Variants in GABRG3 observed in about 807,000 individuals in gnomAD.
The protein encoded by GABRG3 is gamma-aminobutyric acid type A receptor subunit gamma3, also known as gamma-aminobutyric acid receptor subunit gamma-3.
Under a neutral mutation model 48.8 loss-of-function variants are expected in GABRG3, and 25 were observed. The observed-to-expected ratio is 0.51, with a 90% confidence interval of 0.37 to 0.72. GABRG3 has a LOEUF of 0.72. Among genes scored for constraint, GABRG3 ranks in the 30% least tolerant of loss-of-function variants. The probability of loss-of-function intolerance (pLI) is 0.00; values close to 1 mark genes in which losing one functional copy is unlikely to be tolerated. For missense variants in GABRG3, 394 were observed against 577.9 expected (o/e 0.68, Z 3.26); for synonymous variants, 227 against 217.6 (o/e 1.04, Z -0.38).
chr15:27,219,333 G>T (rs568479399), intron 3 of GABRG3, among the ~76,000 whole-genome samples: 1 of 152,188 alleles, frequency 6.6e-6, no homozygotes, highest in African/African-American at 2.4e-5. Flanking sequence ...TCCAAGGTAG[G>T]CAGAGTCCAA....
At chr15:27,474,103 A>G (rs1207571865) in intron 5 of GABRG3, among the ~76,000 whole-genome samples, 2 of 152,050 alleles carry the variant, frequency 1.3e-5, no homozygotes, top group Non-Finnish European at 2.9e-5. Flanking sequence ...CACCCACCAC[A>G]TGAGGCTAGA....
chr15:26,993,738 A>AG (rs1281247361), intron 2 of GABRG3, among the ~76,000 whole-genome samples: 2 of 152,050 alleles, frequency 1.3e-5, no homozygotes. Context: ...GTGCAGATTA[A>AG]GATGAGTGTT....
At chr15:27,003,152 GTTT>G (rs201623046) in intron 2 of GABRG3, among the ~76,000 whole-genome samples, 1,525 of 147,386 alleles carry the variant, frequency 0.01, 28 homozygotes, top group African/African-American at 0.035. Flanking sequence ...TCATGAAATA[GTTT>G]TTATTTTTTT....
intron 3 of GABRG3, among the ~76,000 whole-genome samples, chr15:27,096,018 C>T (rs1016347525): frequency 1.3e-5 from 2 of 152,182 alleles, no homozygotes; most frequent in African/African-American, 2.4e-5. Context: ...ATATGGTCAG[C>T]CTGGCAGGCT....
At chr15:27,532,438 A>C (rs1322788851) in intron 9 of GABRG3, among the ~76,000 whole-genome samples, 162 bp from the exon 10 acceptor site, 2 of 151,538 alleles carry the variant, frequency 1.3e-5, no homozygotes, top group Non-Finnish European at 2.9e-5. Context: ...AAAAAAAAAA[A>C]AAAAAAAAAG....
Position 27,352,970 on chromosome 15 carries a change from G to A in GABRG3, c.574+24082G>A, listed in dbSNP as rs1894677671. On this transcript the variant is annotated intron_variant, in intron 5 of 9. Coordinates refer to ENST00000615808, the MANE Select transcript of GABRG3 (RefSeq NM_033223.5). This position sits in a 1 kb window ranked among gnomAD's most constrained non-coding sequence, Gnocchi z 4.0. ...TGGATCGTTTGATGGTTGGGTGTTA[G>A]GTATTTGAAGTGTGACGTCTACAAA... 6.6e-6 allele frequency among the ~76,000 whole-genome samples: 1 copy of A among 152,170 alleles called. No homozygotes were observed. The highest frequency in any genetic ancestry group is 6.5e-5 in the Admixed American group (1 of 15,288).
rs1478112212 is a variant in GABRG3, at chr15:27,532,758, A to C, written c.1281A>C (p.Gly427=). 2 of 1,613,872 alleles carry C rather than the reference A, an allele frequency of 1.2e-6. No individual in the cohort carries two copies. The highest frequency in any genetic ancestry group is 2.7e-5 in the African/African-American group (2 of 74,924). Residue 427 remains glycine (G), a synonymous_variant, in exon 10 of 10, where the codon GGA becomes GGC. Transcript: ENST00000615808. ...FFCCYEECKS[G]SWRKGRIHID... ...GCTGCTATGAAGAATGTAAATCAGG[A>C]TCCTGGAGGAAAGGGCGTATTCACA...
At chr15:27,458,754 G>C (rs1394046599) in intron 5 of GABRG3, among the ~76,000 whole-genome samples, 1 of 152,146 alleles carries the variant, frequency 6.6e-6, no homozygotes, top group African/African-American at 2.4e-5. Context: ...TTTCTAATGT[G>C]AGCTAGCTAG....
At chr15:27,177,645 G>C (rs779859184) in intron 3 of GABRG3, among the ~76,000 whole-genome samples, 15 of 152,186 alleles carry the variant, frequency 9.9e-5, no homozygotes, top group Non-Finnish European at 2.2e-4. Context: ...AAGCAAGATG[G>C]AGTTAACTGA....
chr15:27,273,203 A>G (rs768587997), intron 3 of GABRG3, among the ~76,000 whole-genome samples: 4 of 152,212 alleles, frequency 2.6e-5, no homozygotes, highest in African/African-American at 7.2e-5. Flanking sequence ...AAGATGCTGC[A>G]TTTTTTGGAG....
At chr15:27,014,732 G>T (rs1196645727) in intron 2 of GABRG3, among the ~76,000 whole-genome samples, 1 of 152,142 alleles carries the variant, frequency 6.6e-6, no homozygotes, top group East Asian at 1.9e-4. Flanking sequence ...TTGAGGAGAA[G>T]GTGTATTTTG....
intron 2 of GABRG3, among the ~76,000 whole-genome samples, chr15:27,014,632 A>G (rs1016912327): frequency 6.6e-6 from 1 of 151,892 alleles, no homozygotes; most frequent in African/African-American, 2.4e-5. Flanking sequence ...GTTTCATTCT[A>G]TTGTACTTTG....
At chr15:27,208,049 C>T (rs1888917496) in intron 3 of GABRG3, 2 of 157,694 alleles carry the variant, frequency 1.3e-5, no homozygotes, top group Admixed American at 6.2e-5. Flanking sequence ...CAGGGCCTCT[C>T]CCACTGAACC....
intron 3 of GABRG3, among the ~76,000 whole-genome samples, chr15:27,204,816 G>C (rs2140430905): frequency 6.6e-6 from 1 of 151,970 alleles, no homozygotes; most frequent in Admixed American, 6.6e-5. Flanking sequence ...GAGTGAGATT[G>C]CATTCTTTAT....
chr15:27,280,712 C>A (rs1339844169), intron 3 of GABRG3, among the ~76,000 whole-genome samples: 1 of 152,032 alleles, frequency 6.6e-6, no homozygotes, highest in Non-Finnish European at 1.5e-5. Flanking sequence ...GGTTTCAATT[C>A]TTTTAAATTT....
At chr15:27,398,666 G>C (rs911625009) in intron 5 of GABRG3, among the ~76,000 whole-genome samples, 1 of 147,222 alleles carries the variant, frequency 6.8e-6, no homozygotes, top group South Asian at 2.2e-4. Context: ...ACAAGCGCGC[G>C]CACACACACA....
At chr15:27,495,735 C>T (rs1158052165) in intron 6 of GABRG3, among the ~76,000 whole-genome samples, 3 of 151,998 alleles carry the variant, frequency 2.0e-5, no homozygotes, top group East Asian at 1.9e-4. Context: ...TATTTGTTTC[C>T]GAAGTGTTTG....
intron 3 of GABRG3, among the ~76,000 whole-genome samples, chr15:27,056,972 C>T (rs2140717901): frequency 6.6e-6 from 1 of 152,190 alleles, no homozygotes; most frequent in East Asian, 1.9e-4. Flanking sequence ...CTCCTATCTC[C>T]TCTTGTTCAG....
At chr15:27,488,048 C>G (rs1291325709) in intron 6 of GABRG3, among the ~76,000 whole-genome samples, 1 of 152,166 alleles carries the variant, frequency 6.6e-6, no homozygotes, top group Non-Finnish European at 1.5e-5. Flanking sequence ...CAGGAGAAAC[C>G]TGCACTGGAT....
Sources: gnomAD v4.1 joint callset for allele counts (sites outside exome capture counted in the v4.1 genomes callset) on GRCh38, gnomAD v4.1.1 for gene constraint, Gnocchi (gnomAD v3.1) non-coding constraint, MANE v1.5 for transcripts, NCBI Gene and HGNC (gene_info 2026-07-23, HGNC 2026-07-21) for gene names.